The following OTOA variants were observed in gnomAD, a reference collection of about 807,000 sequenced individuals.
OTOA encodes the protein cancer/testis antigen 108.
In OTOA, 70 loss-of-function variants were observed where a neutral mutation model predicts 110.8. The ratio of observed to expected loss-of-function variants is 0.63; its 90% CI spans 0.52 to 0.77. The LOEUF (loss-of-function observed/expected upper bound fraction) is 0.77. Among genes scored for constraint, OTOA ranks in the 30% least tolerant of loss-of-function variants. The pLI is 0.00. For missense variants in OTOA, 917 were observed against 1,075.8 expected, an observed-to-expected ratio of 0.85 and a Z score of 2.06; for synonymous variants, 373 against 431.5, an observed-to-expected ratio of 0.86 and a Z score of 1.68.
At chr16:21,682,121 T>C (rs1212660820) in intron 6 of OTOA, among the ~76,000 whole-genome samples, 1 of 152,188 alleles carries the variant, frequency 6.6e-6, no homozygotes, top group Non-Finnish European at 1.5e-5. Flanking sequence ...CGTACAATAG[T>C]CCAGAGCTAA....
chr16:21,664,978 G>GAATA (rs113140289), intron 1 of OTOA, among the ~76,000 whole-genome samples: 24,517 of 144,844 alleles, frequency 0.17, 2,986 homozygotes, highest in African/African-American at 0.35. Context: ...TCTCATGAAT[G>GAATA]AATAAATAAA....
rs368369933 is a variant in OTOA at position 21,757,758 on chromosome 16, C to T, written c.3349+481C>T. 1.1e-3 allele frequency among the ~76,000 whole-genome samples: 161 copies of T among 148,226 alleles called. 1 individual carries two copies. The highest frequency in any genetic ancestry group is 2.1e-3 in the African/African-American group (80 of 38,302). ...CTCAGCCTCCCAGTAGCTAGGATCA[C>T]AGGTGTGTGCCACCACACCTGGTTA... On this transcript the variant is annotated intron_variant, in intron 28 of 28. Transcript: ENST00000646100.
At chr16:21,701,153 C>A in intron 11 of OTOA, 126 bp downstream of exon 11, 2 of 1,405,178 alleles carry the variant, frequency 1.4e-6, no homozygotes, top group East Asian at 2.3e-5. Context: ...TGAATAGTCC[C>A]ATATTTCTCT....
chr16:21,679,190 T>C lies in OTOA; in HGVS notation c.158T>C (p.Leu53Pro), dbSNP rs752789222. 4 of 1,613,778 alleles carry C rather than the reference T, an allele frequency of 2.5e-6. No homozygotes were observed. Among genetic ancestry groups the C allele is most frequent in the Non-Finnish European group, 3.4e-6 (4 of 1,179,906 alleles). Residue 53 changes from leucine (L) to proline (P), a missense_variant, in exon 5 of 29, where the codon CTG (leucine) becomes CCG (proline). Around this residue, in one of 6 missense-constraint regions of OTOA, gnomAD observed 840 missense variants for 910.2 expected, o/e 0.92. Transcript: ENST00000646100. ...CATTTTACTCCCATTGTAGCACTGCTGGATCTCATACAGTTTCAAAGGTAA... is the reference window on the plus strand; with the variant it reads ...CATTTTACTCCCATTGTAGCACTGCCGGATCTCATACAGTTTCAAAGGTAA... ...IIDGSYLNAL[L>P]DLIQFQSSHV... is the part of the protein sequence containing the mutation.
intron 9 of OTOA, among the ~76,000 whole-genome samples, chr16:21,695,987 C>T (rs1190701477): frequency 2.7e-5 from 4 of 147,944 alleles, no homozygotes; most frequent in East Asian, 3.9e-4. Flanking sequence ...TTCTGCCTCC[C>T]GGGTTCAAGT....
intron 12 of OTOA, among the ~76,000 whole-genome samples, chr16:21,708,774 G>T (rs866042030): frequency 5.9e-5 from 9 of 152,126 alleles, no homozygotes; most frequent in African/African-American, 1.9e-4. Flanking sequence ...ACGTTATTAC[G>T]TAAATTCGGG....
intron 1 of OTOA, among the ~76,000 whole-genome samples, chr16:21,666,449 G>A (rs1966840434): frequency 6.6e-6 from 1 of 152,076 alleles, no homozygotes; most frequent in Admixed American, 6.6e-5. Flanking sequence ...AGAAGATGAA[G>A]TGACTCTGAT....
At position 21,679,887 on chromosome 16, in the gene OTOA, C is replaced by A. The variant is rs371402861; in HGVS notation, c.179+676C>A. ...AAGGACACACAACTGGGATGTGAACCAGTGGCCTGGCTCCAGGACCCATTC... is the reference window on the plus strand; with the variant it reads ...AAGGACACACAACTGGGATGTGAACAAGTGGCCTGGCTCCAGGACCCATTC... On this transcript the variant is annotated intron_variant, in intron 5 of 28. Coordinates refer to ENST00000646100, the MANE Select transcript of OTOA (RefSeq NM_144672.4). Among the ~76,000 whole-genome samples the A allele has an allele frequency of 2.6e-5, 4 of 152,268 alleles. No individual in the cohort carries two copies. In the South Asian group the frequency reaches 6.2e-4, roughly 24 times the overall value.
intron 28 of OTOA, among the ~76,000 whole-genome samples, chr16:21,759,987 G>A (rs568600781): frequency 4.6e-5 from 7 of 152,006 alleles, no homozygotes; most frequent in African/African-American, 1.7e-4. Context: ...AGAAAGTGAT[G>A]AGGGCCCCTT....
intron 17 of OTOA, among the ~76,000 whole-genome samples, chr16:21,722,655 C>T (rs1042094382): frequency 3.9e-5 from 6 of 152,110 alleles, no homozygotes; most frequent in African/African-American, 1.4e-4. Flanking sequence ...AAAATTATAT[C>T]TCCCTTTCTT....
At chr16:21,702,565 C>A (rs1199468572) in intron 11 of OTOA, among the ~76,000 whole-genome samples, 1 of 152,164 alleles carries the variant, frequency 6.6e-6, no homozygotes, top group Non-Finnish European at 1.5e-5. Context: ...TCTATACTTC[C>A]GCTTCCCCAT....
At chr16:21,729,065 G>A (rs1465733990) in intron 20 of OTOA, among the ~76,000 whole-genome samples, 1 of 151,252 alleles carries the variant, frequency 6.6e-6, no homozygotes, top group Non-Finnish European at 1.5e-5. Flanking sequence ...ATGGGGTCTC[G>A]CTCTGTCACC....
At chr16:21,754,389 C>T (rs1308090369) in intron 27 of OTOA, among the ~76,000 whole-genome samples, 5 of 97,690 alleles carry the variant, frequency 5.1e-5, no homozygotes, top group South Asian at 3.9e-4. Context: ...CGACAAACTC[C>T]CCCAGTGCCA....
At chr16:21,681,364 G>T (rs1660994821) in intron 5 of OTOA, among the ~76,000 whole-genome samples, 1 of 152,200 alleles carries the variant, frequency 6.6e-6, no homozygotes, top group African/African-American at 2.4e-5. Context: ...GCAGAGGTGG[G>T]AGGATTGCTT....
Position 21,736,313 on chromosome 16 carries a change from C to G in OTOA, c.2354C>G (p.Thr785Ser), listed in dbSNP as rs1278184921. 1.2e-6 allele frequency: 2 copies of G among 1,614,044 alleles called. No individual in the cohort carries two copies. Among genetic ancestry groups the G allele is most frequent in the Non-Finnish European group, 1.7e-6 (2 of 1,180,024 alleles). ...TCCAAGATGGCCAGGACCCTGCCCA[C>G]TAAAGAATTCCTCTGGGCTGTCTTT... The part of the protein sequence containing the change: ...AASKMARTLP[T>S]KEFLWAVFQS... The change falls in exon 22 of 29, where the codon ACT becomes AGT. Residue 785 changes from threonine (T) to serine (S), a missense_variant. Thr to Ser is a moderately conservative substitution (Grantham distance 58, BLOSUM62 1). Around this residue, in one of 6 missense-constraint regions of OTOA, gnomAD observed 57 missense variants for 59.7 expected, o/e 0.96. Coordinates refer to ENST00000646100, the MANE Select transcript of OTOA (RefSeq NM_144672.4).
At chr16:21,695,885 A>ATTTTTTTT (rs1216474654) in intron 9 of OTOA, among the ~76,000 whole-genome samples, 4 of 50,494 alleles carry the variant, frequency 7.9e-5, no homozygotes, top group Non-Finnish European at 1.1e-4. Flanking sequence ...ATATATATAT[A>ATTTTTTTT]TATATATTTT....
intron 1 of OTOA, among the ~76,000 whole-genome samples, chr16:21,678,010 C>A (rs886840563): frequency 1.3e-5 from 2 of 152,064 alleles, no homozygotes; most frequent in African/African-American, 4.8e-5. Context: ...TCTTAGCCTC[C>A]CAAGTAGCTG....
chr16:21,687,005 G>A (rs1897728181), intron 7 of OTOA, among the ~76,000 whole-genome samples: 1 of 152,204 alleles, frequency 6.6e-6, no homozygotes, highest in Admixed American at 6.5e-5. Flanking sequence ...GCATTATAGA[G>A]TTTGGTTCAA....
chr16:21,669,855 G>A (rs918358682), intron 1 of OTOA, among the ~76,000 whole-genome samples: 1 of 152,174 alleles, frequency 6.6e-6, no homozygotes, highest in African/African-American at 2.4e-5. Context: ...GCCAGGCACA[G>A]TGGCTCACAC....
Sources: allele counts gnomAD v4.1 joint callset (sites outside exome capture counted in the v4.1 genomes callset), GRCh38; gene constraint gnomAD v4.1.1; regional missense constraint gnomAD v4.1.1; transcripts MANE v1.5; gene names NCBI Gene and HGNC (gene_info 2026-07-23, HGNC 2026-07-21).